The following PRKAG2 variants were observed in gnomAD, a reference collection of about 807,000 sequenced individuals.
The protein encoded by PRKAG2 is protein kinase AMP-activated non-catalytic subunit gamma 2.
A neutral mutation model predicts 69.6 loss-of-function variants in PRKAG2; 26 were observed. The ratio of observed to expected loss-of-function variants is 0.37; its 90% confidence interval spans 0.27 to 0.52. PRKAG2 has a LOEUF of 0.52. Among genes scored for constraint, PRKAG2 ranks in the 20% least tolerant of loss-of-function variants. The pLI is 0.90. For missense variants in PRKAG2, 557 were observed against 740.0 expected (o/e 0.75, Z 2.87); for synonymous variants, 293 against 285.0 (o/e 1.03, Z -0.28).
chr7:151,801,960 G>A (rs902536910), intron 1 of PRKAG2, among the ~76,000 whole-genome samples: 4 of 152,178 alleles, frequency 2.6e-5, no homozygotes, highest in African/African-American at 9.7e-5. Flanking sequence ...TGGTCACTGA[G>A]GTGTCCCTGA....
At chr7:151,599,274 C>T (rs1311353733) in intron 5 of PRKAG2, among the ~76,000 whole-genome samples, 1 of 152,092 alleles carries the variant, frequency 6.6e-6, no homozygotes, top group African/African-American at 2.4e-5. Flanking sequence ...TGCCAATGTC[C>T]TCTTGTCACC....
chr7:151,788,688 C>T lies in PRKAG2; in HGVS notation c.115-2147G>A, dbSNP rs2077130415. On this transcript the variant is annotated intron_variant, in intron 1 of 15. Transcript: ENST00000287878. This position sits in a 1 kb window ranked among gnomAD's most constrained non-coding sequence, Gnocchi z 4.6. Reference sequence around the variant, plus strand: ...TCTAATTTGCCTTTTGTTGCCTGTGCTTTTGGTGTTGTATTCAAGAAATCA... The same window carrying T: ...TCTAATTTGCCTTTTGTTGCCTGTGTTTTTGGTGTTGTATTCAAGAAATCA... Among the ~76,000 whole-genome samples the T allele has an allele frequency of 5.3e-5, 8 of 152,314 alleles. No homozygotes were observed. In the South Asian group the frequency reaches 1.7e-3, roughly 32 times the overall value.
intron 4 of PRKAG2, among the ~76,000 whole-genome samples, chr7:151,664,891 T>C (rs185074876): frequency 4.9e-4 from 75 of 152,232 alleles, no homozygotes; most frequent in African/African-American, 1.8e-3. Flanking sequence ...GCCATCGTCA[T>C]GGTTAAGGGA....
At chr7:151,754,661 G>C (rs1466701404) in intron 3 of PRKAG2, among the ~76,000 whole-genome samples, 1 of 152,120 alleles carries the variant, frequency 6.6e-6, no homozygotes, top group Non-Finnish European at 1.5e-5. Flanking sequence ...AGCCCTGAGG[G>C]AGGCTGGGCT....
At position 151,637,707 on chromosome 7, in the gene PRKAG2, G is replaced by GTTTT. The variant is rs78930256; in HGVS notation, c.685-5573_685-5570dup. Among the ~76,000 whole-genome samples, 100 of 141,830 alleles carry GTTTT rather than the reference G, an allele frequency of 7.1e-4. 2 individuals are homozygous for GTTTT. Among genetic ancestry groups the GTTTT allele is most frequent in the African/African-American group, 1.1e-3 (43 of 39,010 alleles). 93.0% of individuals were successfully genotyped at this position (141,830 alleles called of 152,430 possible). A position where few individuals can be genotyped will look rare whatever the true frequency, so the allele number is the denominator to read the frequency against. ...ATGGAACAACAGAAAAAGTCATGAG[G>GTTTT]TTTTTTTTTTTTTTTTATAACACAC... On this transcript the variant is annotated intron_variant, in intron 4 of 15. Transcript: ENST00000287878.
At chr7:151,683,760 G>A (rs1354343437) in intron 3 of PRKAG2, among the ~76,000 whole-genome samples, 1 of 152,176 alleles carries the variant, frequency 6.6e-6, no homozygotes, top group Non-Finnish European at 1.5e-5. Context: ...GAGAGGGACA[G>A]GAGTACCTGT....
rs1361045784 is a variant in PRKAG2, at chr7:151,876,516, C to T, written c.105G>A (p.Val35=). 1 of 1,606,750 alleles carries T rather than the reference C, an allele frequency of 6.2e-7. No individual in the cohort carries two copies. Among genetic ancestry groups the T allele is most frequent in the Admixed American group, 1.7e-5 (1 of 60,024 alleles). ...GAGTGCTGGGACTCACCGGAATGTG[C>T]ACGCGCAGCGAACGCCTCTTCTGGC... The part of the protein sequence containing the change: ...NASQKRRSLR[V]HIPDLSSFAM... Residue 35 remains valine (V), a synonymous_variant, in exon 1 of 16, where the codon GTG becomes GTA. Coordinates refer to ENST00000287878, the MANE Select transcript of PRKAG2 (RefSeq NM_016203.4).
intron 5 of PRKAG2, among the ~76,000 whole-genome samples, chr7:151,616,303 GGCACACACACACAT>G (rs1325033738): frequency 6.6e-6 from 1 of 152,100 alleles, no homozygotes; most frequent in Non-Finnish European, 1.5e-5. Context: ...TATGCACACA[GGCACACACACACAT>G]GCACACACAC....
chr7:151,578,604 G>A (rs780330149), intron 6 of PRKAG2, among the ~76,000 whole-genome samples: 75 of 152,282 alleles, frequency 4.9e-4, no homozygotes, highest in Non-Finnish European at 8.8e-4. Context: ...CCCGTCCAGC[G>A]CTGAGTCCTG....
At chr7:151,643,935 C>T (rs1016851824) in intron 4 of PRKAG2, among the ~76,000 whole-genome samples, 9 of 152,150 alleles carry the variant, frequency 5.9e-5, no homozygotes, top group African/African-American at 2.2e-4. Context: ...TTTGCAATGA[C>T]CTGGATAAGA....
At chr7:151,720,594 C>A (rs1351150205) in intron 3 of PRKAG2, among the ~76,000 whole-genome samples, 6 of 146,574 alleles carry the variant, frequency 4.1e-5, no homozygotes, top group African/African-American at 1.5e-4. Flanking sequence ...GCATGCAGGG[C>A]TCCAGAGCCC....
In PRKAG2 at chr7:151,572,999, G is replaced by C. The variant is rs538753046; in HGVS notation, c.1006-290C>G. Among the ~76,000 whole-genome samples the C allele has an allele frequency of 6.5e-4, 99 of 152,130 alleles. 1 individual carries two copies. The Middle Eastern group carries it at 0.02, about 31-fold the overall frequency. On this transcript the variant is annotated intron_variant, in intron 8 of 15. Coordinates refer to ENST00000287878, the MANE Select transcript of PRKAG2 (RefSeq NM_016203.4). ...ATATTGGTGGGTGCCTGTAGTCCCAGCTACTCAGGAGGCTGAGGCAGGAGA... is the reference window on the plus strand; with the variant it reads ...ATATTGGTGGGTGCCTGTAGTCCCACCTACTCAGGAGGCTGAGGCAGGAGA...
At chr7:151,706,179 G>A (rs1007266453) in intron 3 of PRKAG2, among the ~76,000 whole-genome samples, 1 of 152,236 alleles carries the variant, frequency 6.6e-6, no homozygotes, top group Non-Finnish European at 1.5e-5. Context: ...ACAGCTGGCT[G>A]GTGTCAGTCA....
intron 3 of PRKAG2, among the ~76,000 whole-genome samples, chr7:151,705,516 C>G (rs867334351): frequency 3.3e-5 from 5 of 152,092 alleles, no homozygotes; most frequent in African/African-American, 9.7e-5. Context: ...AGGGGACAGC[C>G]GACTGTCTGT....
At chr7:151,665,766 T>C (rs1230680798) in intron 4 of PRKAG2, among the ~76,000 whole-genome samples, 1 of 152,192 alleles carries the variant, frequency 6.6e-6, no homozygotes, top group Non-Finnish European at 1.5e-5. Context: ...GTTGTAAGGG[T>C]ATTTAAAATG....
chr7:151,761,164 A>G lies in PRKAG2; in HGVS notation c.466+19988T>C, dbSNP rs1407378266. On this transcript the variant is annotated intron_variant, in intron 3 of 15. Coordinates refer to ENST00000287878, the MANE Select transcript of PRKAG2 (RefSeq NM_016203.4). ...ACACAGGCCAAGCTAATTTTGGGAGAAATTTAGTTTATAGTTTAAACTACA... is the reference window on the plus strand; with the variant it reads ...ACACAGGCCAAGCTAATTTTGGGAGGAATTTAGTTTATAGTTTAAACTACA... Among the ~76,000 whole-genome samples the G allele has an allele frequency of 3.3e-5, 5 of 152,144 alleles. No individual in the cohort carries two copies. In the East Asian group the frequency reaches 9.6e-4, roughly 29 times the overall value.
intron 1 of PRKAG2, among the ~76,000 whole-genome samples, chr7:151,868,922 T>C (rs1347873702): frequency 2.0e-5 from 3 of 152,202 alleles, no homozygotes; most frequent in Admixed American, 1.3e-4. Flanking sequence ...TTTTAGAAGA[T>C]ACAAACTGAT....
Position 151,835,266 on chromosome 7 carries a change from G to GT in PRKAG2, c.114+41240dup, listed in dbSNP as rs1421434605. ...GGGTCTTGCTGTTTTCCAGGCTGGA[G>GT]TGCCATGACACACACGATCTTGGCT... On this transcript the variant is annotated intron_variant, in intron 1 of 15. Transcript: ENST00000287878. This position sits in a 1 kb window ranked among gnomAD's most constrained non-coding sequence, Gnocchi z 4.1. Among the ~76,000 whole-genome samples the GT allele has an allele frequency of 6.6e-6, 1 of 151,910 alleles. No individual in the cohort carries two copies. The highest frequency in any genetic ancestry group is 1.5e-5 in the Non-Finnish European group (1 of 67,876).
intron 1 of PRKAG2, among the ~76,000 whole-genome samples, chr7:151,802,398 G>T (rs1586602089): frequency 6.6e-6 from 1 of 152,144 alleles, no homozygotes; most frequent in East Asian, 1.9e-4. Context: ...TTCCAGGATG[G>T]CCGAGGGTGC....
Sources: allele counts gnomAD v4.1 joint callset (sites outside exome capture counted in the v4.1 genomes callset), GRCh38; gene constraint gnomAD v4.1.1; non-coding constraint Gnocchi (gnomAD v3.1); transcripts MANE v1.5; gene names NCBI Gene and HGNC (gene_info 2026-07-23, HGNC 2026-07-21).